The following TSNAX variants were observed in gnomAD, a reference collection of about 807,000 sequenced individuals.
The protein encoded by TSNAX is translin-associated protein X.
TSNAX carries 12 observed loss-of-function variants against 33.0 expected under a neutral mutation model. The ratio of observed to expected loss-of-function variants is 0.36; its 90% CI spans 0.23 to 0.59. TSNAX has a LOEUF of 0.59. TSNAX is among the 20% of genes least tolerant of loss of function. The pLI is 0.74. For missense variants in TSNAX, 267 were observed against 341.3 expected (o/e 0.78, Z 1.72); for synonymous variants, 110 against 117.2 (o/e 0.94, Z 0.40).
At chr1:231,554,836 T>G (rs1445172937) in intron 4 of TSNAX, 2 of 152,194 alleles carry the variant, frequency 1.3e-5, no homozygotes, top group Non-Finnish European at 2.9e-5. Context: ...TGTGAGCTTT[T>G]GAATTCTAGA....
intron 5 of TSNAX, among the ~76,000 whole-genome samples, chr1:231,564,166 T>TAACC: frequency 6.6e-6 from 1 of 152,336 alleles, no homozygotes; most frequent in South Asian, 2.1e-4. Context: ...GAGGGCTGTA[T>TAACC]GGTTTTTCAT....
intron 4 of TSNAX, among the ~76,000 whole-genome samples, chr1:231,543,297 C>G (rs991476730): frequency 6.6e-6 from 1 of 150,800 alleles, no homozygotes; most frequent in Non-Finnish European, 1.5e-5. Flanking sequence ...AATGTGGGTT[C>G]ATTGATAGGA....
intron 2 of TSNAX, among the ~76,000 whole-genome samples, chr1:231,530,121 CAGAG>C (rs781466438): frequency 3.9e-5 from 6 of 152,048 alleles, no homozygotes; most frequent in Non-Finnish European, 7.4e-5. Flanking sequence ...TGGCCTCCTT[CAGAG>C]AGAGAGAGTG....
At chr1:231,560,483 T>C (rs1443675575) in intron 4 of TSNAX, among the ~76,000 whole-genome samples, 4 of 126,038 alleles carry the variant, frequency 3.2e-5, no homozygotes, top group Non-Finnish European at 4.8e-5. Flanking sequence ...GGTGCGGTCT[T>C]GGCTCACTGC....
intron 4 of TSNAX, among the ~76,000 whole-genome samples, chr1:231,558,743 C>T (rs1431420070): frequency 6.6e-6 from 1 of 151,826 alleles, no homozygotes; most frequent in Non-Finnish European, 1.5e-5. Flanking sequence ...ATTCATAAAA[C>T]TAAAAATTCA....
At chr1:231,560,755 T>G (rs543824147) in intron 4 of TSNAX, among the ~76,000 whole-genome samples, 10 of 151,994 alleles carry the variant, frequency 6.6e-5, no homozygotes, top group Non-Finnish European at 1.5e-4. Flanking sequence ...ACTTAAACTC[T>G]TAAAAAAATT....
At chr1:231,562,198 T>A (rs1661163690) in intron 5 of TSNAX, among the ~76,000 whole-genome samples, 2 of 148,446 alleles carry the variant, frequency 1.3e-5, no homozygotes, top group South Asian at 4.2e-4. Context: ...TAATTTAATT[T>A]ACTAAATATT....
intron 2 of TSNAX, among the ~76,000 whole-genome samples, chr1:231,530,960 G>GTTT (rs71179783): frequency 1.4e-5 from 2 of 139,212 alleles, no homozygotes; most frequent in Non-Finnish European, 3.1e-5. Context: ...CAGTTTTTTG[G>GTTT]TTTTTTTTTT....
At chr1:231,543,015 A>G (rs1659677195) in intron 4 of TSNAX, among the ~76,000 whole-genome samples, 2 of 151,924 alleles carry the variant, frequency 1.3e-5, no homozygotes, top group Non-Finnish European at 2.9e-5. Context: ...CGACTCAACT[A>G]AAAAATACAA....
intron 4 of TSNAX, among the ~76,000 whole-genome samples, chr1:231,556,251 G>A (rs1660687015): frequency 6.6e-6 from 1 of 152,088 alleles, no homozygotes; most frequent in African/African-American, 2.4e-5. Context: ...AATCAACTAG[G>A]TACAACTAAA....
chr1:231,552,986 T>C (rs1006850678), intron 4 of TSNAX, among the ~76,000 whole-genome samples: 5 of 152,224 alleles, frequency 3.3e-5, no homozygotes, highest in African/African-American at 1.2e-4. Context: ...TGTTAATCTA[T>C]CATCAGTTGG....
chr1:231,531,712 C>T (rs1322877631), intron 2 of TSNAX, among the ~76,000 whole-genome samples: 2 of 151,960 alleles, frequency 1.3e-5, no homozygotes, highest in African/African-American at 4.8e-5. Flanking sequence ...TTTTTCAGTT[C>T]GTGCAATATA....
At chr1:231,555,734 G>A (rs185446902) in intron 4 of TSNAX, among the ~76,000 whole-genome samples, 1 of 152,180 alleles carries the variant, frequency 6.6e-6, no homozygotes, top group Admixed American at 6.5e-5. Context: ...GGCTTACAGA[G>A]ATGATTGGAG....
At chr1:231,558,175 G>A (rs1382832368) in intron 4 of TSNAX, among the ~76,000 whole-genome samples, 1 of 152,084 alleles carries the variant, frequency 6.6e-6, no homozygotes, top group African/African-American at 2.4e-5. Context: ...AGCTGTCCAT[G>A]GGGAAATGCC....
rs372721681 is a variant in TSNAX, at chr1:231,537,335, A to G, written c.236+8A>G. On this transcript the variant is annotated splice_region_variant and intron_variant, in intron 3 of 5. Transcript: ENST00000366639. ...CCTCCATAGGATTACAAGGTGAGTAAGCATCTTTAGAATTTATTACAGTTT... is the reference window on the plus strand; with the variant it reads ...CCTCCATAGGATTACAAGGTGAGTAGGCATCTTTAGAATTTATTACAGTTT... 65 of 1,555,424 alleles carry G rather than the reference A, an allele frequency of 4.2e-5. No homozygotes were observed. The highest frequency in any genetic ancestry group is 5.3e-5 in the Non-Finnish European group (60 of 1,131,736).
intron 4 of TSNAX, among the ~76,000 whole-genome samples, chr1:231,547,516 G>A (rs1189555714): frequency 1.3e-5 from 2 of 148,288 alleles, no homozygotes; most frequent in African/African-American, 5.0e-5. Context: ...TCAGCTTCCC[G>A]AGTAGCTGGG....
At chr1:231,553,435 A>G (rs1660467414) in intron 4 of TSNAX, among the ~76,000 whole-genome samples, 1 of 152,194 alleles carries the variant, frequency 6.6e-6, no homozygotes, top group Admixed American at 6.5e-5. Flanking sequence ...AATAATTCTA[A>G]TTGGATTTCA....
At chr1:231,543,148 A>T (rs1659686379) in intron 4 of TSNAX, among the ~76,000 whole-genome samples, 1 of 151,602 alleles carries the variant, frequency 6.6e-6, no homozygotes, top group African/African-American at 2.4e-5. Context: ...ACTGCACTCC[A>T]GCCTGGGCGT....
chr1:231,546,308 C>A (rs546339339), intron 4 of TSNAX, among the ~76,000 whole-genome samples: 1 of 152,266 alleles, frequency 6.6e-6, no homozygotes, highest in South Asian at 2.1e-4. Flanking sequence ...TGATGATTTG[C>A]TTTCACAAGT....
Sources: allele counts gnomAD v4.1 joint callset (sites outside exome capture counted in the v4.1 genomes callset), GRCh38; gene constraint gnomAD v4.1.1; transcripts MANE v1.5; gene names NCBI Gene and HGNC (gene_info 2026-07-23, HGNC 2026-07-21).